Variants in ZNF644 observed in about 807,000 individuals in gnomAD.
ZNF644 encodes zinc finger motif enhancer binding protein 2.
ZNF644 carries 20 observed loss-of-function variants against 108.0 expected under a neutral mutation model. The ratio of observed to expected loss-of-function variants is 0.19; its 90% CI spans 0.13 to 0.27. The LOEUF is 0.27. Among genes scored for constraint, ZNF644 ranks in the 10% least tolerant of loss-of-function variants. The pLI, the probability that ZNF644 is intolerant of heterozygous loss-of-function variation, is 1.00. For missense variants in ZNF644, 1,338 were observed against 1,548.9 expected, an observed-to-expected ratio of 0.86 and a Z score of 2.29; for synonymous variants, 542 against 539.1, an observed-to-expected ratio of 1.01 and a Z score of -0.08.
chr1:91,020,033 A>G (rs187245722), intron 1 of ZNF644, among the ~76,000 whole-genome samples: 4 of 152,310 alleles, frequency 2.6e-5, no homozygotes, highest in African/African-American at 9.6e-5. Flanking sequence ...GTAGAGGCTG[A>G]AAGGCAATTT....
chr1:90,964,961 C>T (rs2101172671), intron 2 of ZNF644, among the ~76,000 whole-genome samples: 1 of 152,144 alleles, frequency 6.6e-6, no homozygotes, highest in Non-Finnish European at 1.5e-5. Flanking sequence ...ACATAAGTTG[C>T]TTTACAAATT....
At chr1:90,923,972 G>T (rs750620960) in intron 4 of ZNF644, among the ~76,000 whole-genome samples, 1 of 152,096 alleles carries the variant, frequency 6.6e-6, no homozygotes, top group Non-Finnish European at 1.5e-5. Context: ...TTCAGTTAAA[G>T]AAAAAGTACA....
intron 2 of ZNF644, among the ~76,000 whole-genome samples, chr1:90,949,798 G>T (rs1234383124): frequency 6.6e-6 from 1 of 152,084 alleles, no homozygotes; most frequent in African/African-American, 2.4e-5. Flanking sequence ...TGGTATTCTT[G>T]CAGGGTCATG....
At chr1:90,966,044 C>T (rs755106344) in intron 2 of ZNF644, among the ~76,000 whole-genome samples, 11 of 152,146 alleles carry the variant, frequency 7.2e-5, no homozygotes, top group Non-Finnish European at 1.5e-4. Context: ...AGCCACCGCG[C>T]CTGGCCCCAA....
chr1:91,002,817 T>C (rs1658998951), intron 1 of ZNF644, among the ~76,000 whole-genome samples: 1 of 151,916 alleles, frequency 6.6e-6, no homozygotes, highest in Non-Finnish European at 1.5e-5. Context: ...TATAATGAAC[T>C]CAAACAAAGT....
At chr1:91,007,238 T>G (rs1054176297) in intron 1 of ZNF644, among the ~76,000 whole-genome samples, 27 of 136,674 alleles carry the variant, frequency 2.0e-4, no homozygotes, top group African/African-American at 6.9e-4. Flanking sequence ...TTTTTTTTTT[T>G]TTTTTTTTTT....
At chr1:91,009,501 T>G (rs1487405835) in intron 1 of ZNF644, among the ~76,000 whole-genome samples, 4 of 152,186 alleles carry the variant, frequency 2.6e-5, no homozygotes, top group African/African-American at 9.6e-5. Context: ...TATTCCCAAA[T>G]GTTCCTAAAT....
intron 4 of ZNF644, among the ~76,000 whole-genome samples, chr1:90,921,066 T>C (rs1459495088): frequency 2.0e-5 from 3 of 152,046 alleles, no homozygotes; most frequent in African/African-American, 4.8e-5. Context: ...GGGACATCTA[T>C]ATAGGATCCT....
chr1:90,957,323 A>G (rs1185579717), intron 2 of ZNF644, among the ~76,000 whole-genome samples: 1 of 152,184 alleles, frequency 6.6e-6, no homozygotes, highest in African/African-American at 2.4e-5. Context: ...CCAAAGCCAA[A>G]GATACTCAAA....
At chr1:90,962,403 G>A (rs1279896658) in intron 2 of ZNF644, among the ~76,000 whole-genome samples, 1 of 151,886 alleles carries the variant, frequency 6.6e-6, no homozygotes, top group African/African-American at 2.4e-5. Flanking sequence ...AGAGCAGTAG[G>A]GAAGTGATCT....
At chr1:90,945,353 T>C (rs561780988) in intron 2 of ZNF644, among the ~76,000 whole-genome samples, 60 of 152,180 alleles carry the variant, frequency 3.9e-4, no homozygotes, top group Non-Finnish European at 6.9e-4. Flanking sequence ...AACAGAACTT[T>C]AAATCTACAT....
chr1:91,000,285 GAAGTA>G (rs1436725274), intron 1 of ZNF644, among the ~76,000 whole-genome samples: 2 of 152,240 alleles, frequency 1.3e-5, no homozygotes, highest in African/African-American at 4.8e-5. Context: ...CACATAGTTG[GAAGTA>G]AAGCACTCCT....
At chr1:90,969,629 T>C (rs1655259788) in intron 2 of ZNF644, among the ~76,000 whole-genome samples, 1 of 152,204 alleles carries the variant, frequency 6.6e-6, no homozygotes, top group African/African-American at 2.4e-5. Flanking sequence ...CTGTAAATGC[T>C]CCCTATCTAT....
At position 90,940,448 on chromosome 1, in the gene ZNF644, A is replaced by G. The variant is rs767067275; in HGVS notation, c.906T>C (p.Arg302=). The change falls in exon 3 of 6, where the codon CGT becomes CGC. Residue 302 remains arginine, a synonymous_variant. Transcript: ENST00000337393. The part of the protein sequence containing the change: ...KRKMDVSKIT[R]YTEDCFSDSN... ...AATCACTAAAGCAATCCTCGGTATA[A>G]CGAGTTATCTTGCTTACATCCATTT... The G allele has an allele frequency of 6.2e-7, 1 of 1,613,506 alleles. No individual in the cohort carries two copies. The highest frequency in any genetic ancestry group is 8.5e-7 in the Non-Finnish European group (1 of 1,179,874).
rs1651768311 is a variant in ZNF644, at chr1:90,939,887, A to G, written c.1467T>C (p.Asp489=). Residue 489 remains aspartate, a synonymous_variant, in exon 3 of 6, where the codon GAT becomes GAC. Coordinates refer to ENST00000337393, the MANE Select transcript of ZNF644 (RefSeq NM_201269.3). The part of the protein sequence containing the change: ...EEIRELKELQ[D]EGRSARLQCP... ...ACTGTAATCGTGCACTTCTTCCTTC[A>G]TCCTGAAGTTCTTTCAATTCACGAA... is the stretch of plus-strand genomic sequence containing the variant. 1 of 1,613,948 alleles carries G rather than the reference A, an allele frequency of 6.2e-7. No individual in the cohort carries two copies. Among genetic ancestry groups the G allele is most frequent in the Non-Finnish European group, 8.5e-7 (1 of 1,179,962 alleles).
intron 2 of ZNF644, among the ~76,000 whole-genome samples, chr1:90,964,796 CT>C (rs959322744): frequency 1.3e-4 from 19 of 150,694 alleles, no homozygotes; most frequent in East Asian, 2.0e-4. Context: ...TAGAAGAGGT[CT>C]TTTTTTTTGG....
intron 2 of ZNF644, among the ~76,000 whole-genome samples, chr1:90,974,381 ATCTCGAGTTATAGATAGG>A (rs998860396): frequency 1.3e-5 from 2 of 152,088 alleles, no homozygotes; most frequent in African/African-American, 4.8e-5. Flanking sequence ...TGATTCTCAC[ATCTCGAGTTATAGATAGG>A]TCTCATATCT....
chr1:90,960,732 G>T (rs948358098), intron 2 of ZNF644, among the ~76,000 whole-genome samples: 3 of 152,044 alleles, frequency 2.0e-5, no homozygotes, highest in African/African-American at 7.2e-5. Flanking sequence ...ACACCCTAAA[G>T]CTCCCTTTAG....
chr1:90,994,531 T>C (rs917954740), intron 1 of ZNF644, among the ~76,000 whole-genome samples: 9 of 152,140 alleles, frequency 5.9e-5, no homozygotes, highest in African/African-American at 1.9e-4. Context: ...GATAAACCAG[T>C]AGGCACAGAG....
Sources: allele counts gnomAD v4.1 joint callset (sites outside exome capture counted in the v4.1 genomes callset), GRCh38; gene constraint gnomAD v4.1.1; transcripts MANE v1.5; gene names NCBI Gene and HGNC (gene_info 2026-07-23, HGNC 2026-07-21).